DEPDC5: variants seen among roughly 807,000 people sequenced by gnomAD.
DEPDC5 encodes DEP domain containing 5, GATOR1 subcomplex subunit, also known as GATOR1 complex protein DEPDC5.
In DEPDC5, 73 loss-of-function variants were observed where a neutral mutation model predicts 217.3. The ratio of observed to expected loss-of-function variants is 0.34; its 90% CI spans 0.28 to 0.41. The LOEUF (loss-of-function observed/expected upper bound fraction) is 0.41. Among genes scored for constraint, DEPDC5 ranks in the 10% least tolerant of loss-of-function variants. DEPDC5 has a pLI of 1.00. For synonymous variants in DEPDC5, 733 were observed against 756.7 expected (o/e 0.97, Z 0.51); for missense variants, 1,675 against 2,070.1 (o/e 0.81, Z 3.70).
chr22:31,879,044 ATATAT>A (rs1252011137), intron 37 of DEPDC5, among the ~76,000 whole-genome samples: 5 of 74,460 alleles, frequency 6.7e-5, no homozygotes, highest in Non-Finnish European at 1.2e-4. Flanking sequence ...AAAAAAAAAA[ATATAT>A]ATATATATAT....
chr22:31,848,324 T>G (rs567043843), intron 31 of DEPDC5, among the ~76,000 whole-genome samples: 5 of 152,114 alleles, frequency 3.3e-5, no homozygotes, highest in Non-Finnish European at 7.4e-5. Context: ...AGTGGAGACT[T>G]TTTCCTTCCG....
intron 10 of DEPDC5, among the ~76,000 whole-genome samples, chr22:31,791,215 A>G (rs564409102): frequency 6.6e-6 from 1 of 152,248 alleles, no homozygotes; most frequent in South Asian, 2.1e-4. Flanking sequence ...CTAAAGTCAC[A>G]TAGTGGCAAG....
In DEPDC5 at chr22:31,783,864, G is replaced by C. The variant is rs138286; in HGVS notation, c.484-43G>C. 0.97 allele frequency: 1,503,621 copies of C among 1,556,490 alleles called. 726,463 individuals are homozygous for C. The highest frequency in any genetic ancestry group is 1 in the East Asian group (44,490 of 44,494). ...TTTTTCATCTTATAGAACTGAAACT[G>C]TATATGGCATTGCTTTTTAATACAA... On this transcript the variant is annotated intron_variant, in intron 8 of 42. Coordinates refer to ENST00000651528, the MANE Select transcript of DEPDC5 (RefSeq NM_001242896.3).
chr22:31,879,029 C>CAAAAAAAAAA (rs1264327219), intron 37 of DEPDC5, among the ~76,000 whole-genome samples: 4 of 68,134 alleles, frequency 5.9e-5, no homozygotes, highest in Admixed American at 1.9e-4. Flanking sequence ...GACTCCGTCT[C>CAAAAAAAAAA]AAAAAAAAAA....
At chr22:31,836,898 T>C in intron 25 of DEPDC5, 74 bp from the exon 26 acceptor site, 1 of 1,286,942 alleles carries the variant, frequency 7.8e-7, no homozygotes, top group South Asian at 1.3e-5. Flanking sequence ...TCCCTCCCCT[T>C]CCCTCCCCTG....
intron 5 of DEPDC5, 46 bp from the exon 6 acceptor site, chr22:31,766,539 G>C: frequency 3.2e-6 from 5 of 1,584,418 alleles, no homozygotes; most frequent in Non-Finnish European, 4.3e-6. Flanking sequence ...TGACTATAAA[G>C]TGTGGCAAAG....
intron 24 of DEPDC5, 48 bp from the exon 25 acceptor site, chr22:31,833,865 CTT>C (rs1046502423): frequency 2.5e-5 from 37 of 1,459,192 alleles, no homozygotes; most frequent in Middle Eastern, 1.8e-4. Flanking sequence ...GGTCAGAACT[CTT>C]TTGCAGAGTG....
rs371190089 is a variant in DEPDC5 at position 31,906,296 on chromosome 22, C to A, written c.4611C>A (p.Asn1537Lys). ...RRNSTSSTNQNMFCEERVGYN... is the reference protein window; with the variant it reads ...RRNSTSSTNQKMFCEERVGYN... ...ACTCCACCAGCTCCACCAACCAGAACATGTTCTGCGAGGAGCGGGTCGGCT... is the reference window on the plus strand; with the variant it reads ...ACTCCACCAGCTCCACCAACCAGAAAATGTTCTGCGAGGAGCGGGTCGGCT... Residue 1537 changes from asparagine to lysine, a missense_variant, in exon 43 of 43, where the codon AAC becomes AAA. Transcript: ENST00000651528. The surrounding 1 kb of genome is among the most constrained non-coding windows in gnomAD (Gnocchi z 5.1). 2 of 1,613,876 alleles carry A rather than the reference C, an allele frequency of 1.2e-6. No homozygotes were observed. Among genetic ancestry groups the A allele is most frequent in the East Asian group, 2.2e-5 (1 of 44,900 alleles).
In DEPDC5 at chr22:31,857,611, G is replaced by A. The variant is rs370204953; in HGVS notation, c.3264+58G>A. 2.3e-5 allele frequency: 32 copies of A among 1,414,038 alleles called. No homozygotes were observed. The East Asian group carries it at 7.1e-4, about 31-fold the overall frequency. The allele number at this position is 1,414,038 out of a possible 1,614,324, so 87.6% of individuals were successfully genotyped here. Reference sequence around the variant, plus strand: ...TGTGCTCTCAGAGACTCAGTGTGGAGGGTAAAACAGATCGCCCTTCAGATC... The same window carrying A: ...TGTGCTCTCAGAGACTCAGTGTGGAAGGTAAAACAGATCGCCCTTCAGATC... On this transcript the variant is annotated intron_variant, in intron 32 of 42. Coordinates refer to ENST00000651528, the MANE Select transcript of DEPDC5 (RefSeq NM_001242896.3).
At position 31,843,683 on chromosome 22, in the gene DEPDC5, G is replaced by A; in HGVS notation, c.2672G>A (p.Ser891Asn). 1.9e-6 allele frequency: 3 copies of A among 1,613,524 alleles called. No homozygotes were observed. Among genetic ancestry groups the A allele is most frequent in the South Asian group, 1.1e-5 (1 of 91,062 alleles). ...TCTGCCCAGATCCACTACACCTACA[G>A]CCTCTGTCCTTCCCACTCAGACTCA... is the stretch of plus-strand genomic sequence containing the variant. ...YESAQIHYTY[S>N]LCPSHSDSEF... is the part of the protein sequence containing the mutation. Residue 891 changes from serine to asparagine, a missense_variant, in exon 29 of 43, where the codon AGC becomes AAC. Around this residue, in one of 11 missense-constraint regions of DEPDC5, gnomAD observed 293 missense variants for 386.1 expected, o/e 0.76. Coordinates refer to ENST00000651528, the MANE Select transcript of DEPDC5 (RefSeq NM_001242896.3).
chr22:31,859,783 A>G (rs2092447725), intron 32 of DEPDC5, among the ~76,000 whole-genome samples: 1 of 152,210 alleles, frequency 6.6e-6, no homozygotes, highest in African/African-American at 2.4e-5. Flanking sequence ...CTGCTGCTCT[A>G]GGGAGTGGCA....
upstream of DEPDC5, chr22:31,753,993 TC>T (rs2147914771): frequency 6.5e-6 from 1 of 152,684 alleles, no homozygotes; most frequent in African/African-American, 2.4e-5. Flanking sequence ...GCGCGGGTTC[TC>T]AGGTGAGCGC....
intron 40 of DEPDC5, among the ~76,000 whole-genome samples, chr22:31,900,344 G>A (rs1373588129): frequency 6.6e-6 from 1 of 151,924 alleles, no homozygotes; most frequent in Non-Finnish European, 1.5e-5. Context: ...GCCGCACCTG[G>A]CCCAAATTTT....
intron 31 of DEPDC5, 36 bp downstream of exon 31, chr22:31,847,003 T>C: frequency 6.2e-7 from 1 of 1,614,016 alleles, no homozygotes; most frequent in Non-Finnish European, 8.5e-7. Flanking sequence ...TGTCCCCACC[T>C]TGACAGCCCT....
Position 31,906,752 on chromosome 22 carries a change from G to T in DEPDC5, c.*255G>T. ...TCCTGTCAGCAAGTGCTCAGAGCAG[G>T]TGGGAGGCACAGATTGTCCGTGGGA... is the stretch of plus-strand genomic sequence containing the variant. On this transcript the variant is annotated 3_prime_UTR_variant, in exon 43 of 43. Coordinates refer to ENST00000651528, the MANE Select transcript of DEPDC5 (RefSeq NM_001242896.3). The surrounding 1 kb of genome is among the most constrained non-coding windows in gnomAD (Gnocchi z 5.1). The T allele has an allele frequency of 3.5e-6, 2 of 568,776 alleles. No individual in the cohort carries two copies. The highest frequency in any genetic ancestry group is 4.4e-5 in the South Asian group (2 of 45,606). 35.2% of individuals were successfully genotyped at this position (568,776 alleles called of 1,614,324 possible). A position where few individuals can be genotyped will look rare whatever the true frequency, so the allele number is the denominator to read the frequency against.
At chr22:31,894,943 A>C (rs1437597720) in intron 39 of DEPDC5, 1 of 151,914 alleles carries the variant, frequency 6.6e-6, no homozygotes, top group Non-Finnish European at 1.5e-5. Context: ...GGGGTTCGAG[A>C]CCAGCCTGAC....
chr22:31,849,827 AACTC>A (rs895919216), intron 31 of DEPDC5, among the ~76,000 whole-genome samples: 63 of 152,100 alleles, frequency 4.1e-4, no homozygotes, highest in Middle Eastern at 3.4e-3. Flanking sequence ...ATCTCATGAG[AACTC>A]ACTCACTATC....
chr22:31,872,413 C>T (rs996267147), intron 34 of DEPDC5, among the ~76,000 whole-genome samples: 7 of 152,212 alleles, frequency 4.6e-5, no homozygotes, highest in African/African-American at 1.7e-4. Context: ...ATCGTATAAA[C>T]ATTCGCCTCA....
chr22:31,797,983 G>A (rs1180337783), intron 13 of DEPDC5, among the ~76,000 whole-genome samples: 1 of 151,420 alleles, frequency 6.6e-6, no homozygotes. Context: ...GGACTGGAGT[G>A]GAGCAATTAT....
Sources: allele counts gnomAD v4.1 joint callset (sites outside exome capture counted in the v4.1 genomes callset), GRCh38; gene constraint gnomAD v4.1.1; regional missense constraint gnomAD v4.1.1; non-coding constraint Gnocchi (gnomAD v3.1); transcripts MANE v1.5; gene names NCBI Gene and HGNC (gene_info 2026-07-23, HGNC 2026-07-21).